The following CNGA2 variants were observed in gnomAD, a reference collection of about 807,000 sequenced individuals.
The protein encoded by CNGA2 is cyclic nucleotide-gated channel alpha-2.
Under a neutral mutation model 35.9 loss-of-function variants are expected in CNGA2, and 22 were observed. The ratio of observed to expected loss-of-function variants is 0.61; its 90% CI spans 0.44 to 0.88. The LOEUF is 0.88. Ranked by LOEUF, CNGA2 falls within the 40% of genes least tolerant of loss-of-function variation. CNGA2 has a pLI of 0.00. For synonymous variants in CNGA2, 217 were observed against 209.2 expected (o/e 1.04, Z -0.32); for missense variants, 555 against 530.8 (o/e 1.05, Z -0.45).
chrX:151,736,402 G>C (rs192157913), intron 1 of CNGA2, among the ~76,000 whole-genome samples: 1 of 111,926 alleles, frequency 8.9e-6, no homozygotes, highest in African/African-American at 3.3e-5. Context: ...GAACTTTGAC[G>C]CTTTTTGTGG....
chrX:151,743,952 C>T lies in CNGA2; in HGVS notation c.1449C>T (p.Arg483=). Residue 483 remains arginine, a synonymous_variant, in exon 7 of 7, where the codon CGC becomes CGT. Transcript: ENST00000329903. The part of the protein sequence containing the change: ...QVFSPGDYIC[R]KGDIGKEMYI... The stretch of plus-strand genomic sequence containing the variant: ...TCAGTCCTGGGGATTACATTTGCCG[C>T]AAAGGGGACATCGGCAAGGAGATGT... 1 of 1,211,058 alleles carries T rather than the reference C, an allele frequency of 8.3e-7. No homozygotes were observed. The highest frequency in any genetic ancestry group is 1.7e-5 in the African/African-American group (1 of 57,557).
At chrX:151,740,728 G>A (rs887925389) in intron 4 of CNGA2, 66 bp from the exon 5 acceptor site, 1 of 878,046 alleles carries the variant, frequency 1.1e-6, no homozygotes. Flanking sequence ...TCTGGTTTCT[G>A]GGAGCTGGGG....
In CNGA2 at chrX:151,738,774, C is replaced by G; in HGVS notation, c.111-13C>G. ...CTGAGAACCCTGGGTCAATTCTGCTCTTTTTTCTGCAGGCCACACTCTGCA... is the reference window on the plus strand; with the variant it reads ...CTGAGAACCCTGGGTCAATTCTGCTGTTTTTTCTGCAGGCCACACTCTGCA... On this transcript the variant is annotated splice_polypyrimidine_tract_variant and intron_variant, in intron 2 of 6. Transcript: ENST00000329903. 8.6e-7 allele frequency: 1 copy of G among 1,160,313 alleles called. No individual in the cohort carries two copies. Among genetic ancestry groups the G allele is most frequent in the East Asian group, 3.2e-5 (1 of 31,310 alleles).
intron 3 of CNGA2, 126 bp from the exon 4 acceptor site, chrX:151,739,436 G>A: frequency 1.3e-6 from 1 of 754,166 alleles, no homozygotes. Flanking sequence ...TCATGGTCTG[G>A]CCTGTTTGTA....
At chrX:151,742,058 C>T (rs866825771) in intron 5 of CNGA2, among the ~76,000 whole-genome samples, 5 of 112,848 alleles carry the variant, frequency 4.4e-5, no homozygotes, top group African/African-American at 1.6e-4. Context: ...TCCATTCCCA[C>T]TACTATTCTC....
rs1212042146 is a variant in CNGA2 at position 151,744,373 on chromosome X, G to A, written c.1870G>A (p.Gly624Arg). ...TGGCCGCCTGCTGGCTGAGTACACG[G>A]GGGCCCAGCAGAAGCTCAAGCAGCG... ...RFGRLLAEYT[G>R]AQQKLKQRIT... Residue 624 changes from glycine to arginine, a missense_variant, in exon 7 of 7, where the codon GGG becomes AGG. Physicochemically the swap from Gly to Arg is moderately radical, Grantham distance 125. Transcript: ENST00000329903. The A allele has an allele frequency of 5.0e-6, 6 of 1,208,752 alleles. No homozygotes were observed. In the Admixed American group the frequency reaches 1.3e-4, roughly 26 times the overall value.
chrX:151,738,338 G>T, intron 1 of CNGA2, 120 bp from the exon 2 acceptor site: 1 of 489,499 alleles, frequency 2.0e-6, no homozygotes. Context: ...CAGTGCCTGA[G>T]GGTGCTGAGG....
chrX:151,744,208 G>A lies in CNGA2; in HGVS notation c.1705G>A (p.Val569Ile), dbSNP rs760995900. ...GACTGAGTACCCTGATGCCAAGAAA[G>A]TCCTAGAAGAGAGGGGTCGGGAGAT... ...AVTEYPDAKKVLEERGREILM... is the reference protein window; with the variant it reads ...AVTEYPDAKKILEERGREILM... The change falls in exon 7 of 7, where the codon GTC becomes ATC. Residue 569 changes from valine to isoleucine, a missense_variant. Coordinates refer to ENST00000329903, the MANE Select transcript of CNGA2 (RefSeq NM_005140.3). 9.1e-6 allele frequency: 11 copies of A among 1,210,974 alleles called. No individual in the cohort carries two copies. The highest frequency in any genetic ancestry group is 1.2e-5 in the Non-Finnish European group (11 of 895,424).
At chrX:151,738,968 C>T (rs2015275886) in intron 3 of CNGA2, 89 bp downstream of exon 3, 2 of 688,789 alleles carry the variant, frequency 2.9e-6, no homozygotes, top group Non-Finnish European at 2.1e-6. Context: ...CACGGTCCCA[C>T]CAGTCCTGTC....
At position 151,743,693 on chromosome X, in the gene CNGA2, A is replaced by G; in HGVS notation, c.1190A>G (p.Gln397Arg). 1 of 1,211,675 alleles carries G rather than the reference A, an allele frequency of 8.3e-7. No individual in the cohort carries two copies. Among genetic ancestry groups the G allele is most frequent in the Non-Finnish European group, 1.1e-6 (1 of 895,549 alleles). The change falls in exon 7 of 7, where the codon CAG (glutamine) becomes CGG (arginine). Residue 397 changes from glutamine (Q) to arginine (R), a missense_variant. By Grantham distance (43) the Gln-to-Arg change is conservative. Transcript: ENST00000329903. ...AKIDAVKHYM[Q>R]FRKVSKGMEA... ...ATCGATGCCGTGAAACACTACATGCAGTTCCGAAAGGTCAGCAAGGGGATG... is the reference window on the plus strand; with the variant it reads ...ATCGATGCCGTGAAACACTACATGCGGTTCCGAAAGGTCAGCAAGGGGATG...
At chrX:151,738,417 A>G in intron 1 of CNGA2, 41 bp from the exon 2 acceptor site, 1 of 927,002 alleles carries the variant, frequency 1.1e-6, no homozygotes. Flanking sequence ...TGTGGGTGTC[A>G]GGGTCCTCTG....
At chrX:151,742,994 G>GTA (rs1173482635) in intron 6 of CNGA2, 99 bp from the exon 7 acceptor site, 12 of 64,851 alleles carry the variant, frequency 1.9e-4, no homozygotes, top group South Asian at 8.0e-4. Flanking sequence ...ATATATATGT[G>GTA]TATATATATA....
rs771768693 is a variant in CNGA2, at chrX:151,738,289, T to G, written c.-26-169T>G. Among the ~76,000 whole-genome samples the G allele has an allele frequency of 3.6e-5, 4 of 111,174 alleles. No homozygotes were observed. The East Asian group carries it at 1.2e-3, about 32-fold the overall frequency. On this transcript the variant is annotated intron_variant, in intron 1 of 6. Coordinates refer to ENST00000329903, the MANE Select transcript of CNGA2 (RefSeq NM_005140.3). Reference sequence around the variant, plus strand: ...TTTTCTTGGGCCCTGGTGCCTGGCATTTAGGGACTGCTGAATCCCACTGCC... The same window carrying G: ...TTTTCTTGGGCCCTGGTGCCTGGCAGTTAGGGACTGCTGAATCCCACTGCC...
chrX:151,742,942 GTATATGTATATA>G (rs1213632545), intron 6 of CNGA2, 139 bp from the exon 7 acceptor site: 741 of 53,530 alleles, frequency 0.014, 51 homozygotes, highest in Middle Eastern at 0.032. Flanking sequence ...ATATATATAT[GTATATGTATATA>G]TATATGTATA....
rs771830593 is a variant in CNGA2 at position 151,738,497 on chromosome X, C to A, written c.14C>A (p.Thr5Asn). ...TGTACATGGAGGATGACCGAAAAAA[C>A]CAATGGTGTGAAGAGCTCCCCAGCC... MTEK[T>N]NGVKSSPANN... Residue 5 changes from threonine to asparagine, a missense_variant, in exon 2 of 7, where the codon ACC (threonine) becomes AAC (asparagine). Transcript: ENST00000329903. 1.4e-5 allele frequency: 17 copies of A among 1,208,856 alleles called. No homozygotes were observed. Among genetic ancestry groups the A allele is most frequent in the Non-Finnish European group, 1.9e-5 (17 of 894,389 alleles).
Position 151,743,658 on chromosome X carries a change from C to T in CNGA2, c.1155C>T (p.Phe385=). 1 of 1,211,645 alleles carries T rather than the reference C, an allele frequency of 8.3e-7. No individual in the cohort carries two copies. ...ISNMNATRAE[F]QAKIDAVKHY... is the part of the protein sequence containing the mutation. Reference sequence around the variant, plus strand: ...ACATGAATGCCACCCGGGCAGAGTTCCAGGCTAAGATCGATGCCGTGAAAC... The same window carrying T: ...ACATGAATGCCACCCGGGCAGAGTTTCAGGCTAAGATCGATGCCGTGAAAC... The change falls in exon 7 of 7, where the codon TTC becomes TTT. Residue 385 remains phenylalanine, a synonymous_variant. Coordinates refer to ENST00000329903, the MANE Select transcript of CNGA2 (RefSeq NM_005140.3).
intron 5 of CNGA2, among the ~76,000 whole-genome samples, chrX:151,742,295 T>C (rs1324090567): frequency 8.9e-6 from 1 of 111,853 alleles, no homozygotes; most frequent in Non-Finnish European, 1.9e-5. Context: ...AGCTCACAGT[T>C]CAGAGGGTGA....
In CNGA2 at chrX:151,743,958, G is replaced by C. The variant is rs139651409; in HGVS notation, c.1455G>C (p.Gly485=). ...FSPGDYICRK[G]DIGKEMYIIK... ...CTGGGGATTACATTTGCCGCAAAGGGGACATCGGCAAGGAGATGTACATCA... is the reference window on the plus strand; with the variant it reads ...CTGGGGATTACATTTGCCGCAAAGGCGACATCGGCAAGGAGATGTACATCA... The change falls in exon 7 of 7, where the codon GGG becomes GGC. Residue 485 remains glycine (G), a synonymous_variant. Coordinates refer to ENST00000329903, the MANE Select transcript of CNGA2 (RefSeq NM_005140.3). 15 of 1,209,172 alleles carry C rather than the reference G, an allele frequency of 1.2e-5. No homozygotes were observed. The African/African-American group carries it at 2.6e-4, about 21-fold the overall frequency.
At chrX:151,735,564 G>A (rs1238078912) in intron 1 of CNGA2, among the ~76,000 whole-genome samples, 2 of 111,297 alleles carry the variant, frequency 1.8e-5, no homozygotes, top group Non-Finnish European at 3.8e-5. Flanking sequence ...TTTGTCTCCT[G>A]TCACTTCCTC....
Sources: allele counts gnomAD v4.1 joint callset (sites outside exome capture counted in the v4.1 genomes callset), GRCh38; gene constraint gnomAD v4.1.1; transcripts MANE v1.5; gene names NCBI Gene and HGNC (gene_info 2026-07-23, HGNC 2026-07-21).